MAN1A2: variants seen among roughly 807,000 people sequenced by gnomAD.
MAN1A2 encodes mannosidase alpha class 1A member 2.
MAN1A2 carries 26 observed loss-of-function variants against 75.7 expected under a neutral mutation model. The observed-to-expected ratio is 0.34, with a 90% CI of 0.25 to 0.48. The LOEUF is 0.48. Ranked by LOEUF, MAN1A2 falls within the 20% of genes least tolerant of loss-of-function variation. MAN1A2 has a pLI of 0.99. For synonymous variants in MAN1A2, 247 were observed against 264.6 expected, an observed-to-expected ratio of 0.93 and a Z score of 0.65; for missense variants, 562 against 775.5, an observed-to-expected ratio of 0.72 and a Z score of 3.27.
rs559082763 is a variant in MAN1A2 at position 117,403,571 on chromosome 1, G to A, written c.558+1130G>A. The stretch of plus-strand genomic sequence containing the variant: ...GATCCTCAGGTTCAGTGACTCACCA[G>A]AAGTACCCACGGAACTCAGCATATA... On this transcript the variant is annotated intron_variant, in intron 2 of 12. Coordinates refer to ENST00000356554, the MANE Select transcript of MAN1A2 (RefSeq NM_006699.5). 5.3e-5 allele frequency among the ~76,000 whole-genome samples: 8 copies of A among 152,274 alleles called. No homozygotes were observed. In the South Asian group the frequency reaches 1.7e-3, roughly 32 times the overall value.
At chr1:117,389,259 A>G (rs946029554) in intron 1 of MAN1A2, among the ~76,000 whole-genome samples, 4 of 152,164 alleles carry the variant, frequency 2.6e-5, no homozygotes, top group Non-Finnish European at 5.9e-5. Context: ...AGCAGTCCCC[A>G]ATCTTTTTGG....
At chr1:117,503,994 A>AT (rs1407288741) in intron 12 of MAN1A2, among the ~76,000 whole-genome samples, 3 of 151,088 alleles carry the variant, frequency 2.0e-5, no homozygotes, top group Non-Finnish European at 4.4e-5. Context: ...TTTCTGTTAC[A>AT]TTTTTTTATT....
chr1:117,452,031 G>A (rs1162090725), intron 6 of MAN1A2, among the ~76,000 whole-genome samples: 1 of 151,954 alleles, frequency 6.6e-6, no homozygotes, highest in Admixed American at 6.6e-5. Flanking sequence ...ACCCAGCCAG[G>A]CACAGTGGCT....
chr1:117,483,059 G>A (rs1650549874), intron 8 of MAN1A2, among the ~76,000 whole-genome samples: 1 of 152,038 alleles, frequency 6.6e-6, no homozygotes, highest in South Asian at 2.1e-4. Context: ...TAGATGTGTG[G>A]TGTTATTTCT....
chr1:117,442,712 T>C (rs1270489254), intron 6 of MAN1A2, among the ~76,000 whole-genome samples: 1 of 152,146 alleles, frequency 6.6e-6, no homozygotes, highest in Non-Finnish European at 1.5e-5. Flanking sequence ...CTCCTGATCT[T>C]CTAAGTGAAA....
At chr1:117,472,879 C>T (rs1183471511) in intron 8 of MAN1A2, among the ~76,000 whole-genome samples, 1 of 151,836 alleles carries the variant, frequency 6.6e-6, no homozygotes, top group African/African-American at 2.4e-5. Context: ...TTATGTGTGG[C>T]TCAAGACAGT....
chr1:117,442,315 A>C lies in MAN1A2; in HGVS notation c.940A>C (p.Asn314His). 1 of 1,606,138 alleles carries C rather than the reference A, an allele frequency of 6.2e-7. No individual in the cohort carries two copies. Among genetic ancestry groups the C allele is most frequent in the Non-Finnish European group, 8.5e-7 (1 of 1,172,922 alleles). Reference protein sequence around the residue: ...TPTGIPWAMVNLKSGVGRNWG... With the variant: ...TPTGIPWAMVHLKSGVGRNWG... ...TACTGGGATTCCTTGGGCAATGGTG[A>C]ATTTGAAAAGGTAACTCTATGTGGG... Residue 314 changes from asparagine (N) to histidine (H), a missense_variant, in exon 6 of 13, where the codon AAT becomes CAT. This residue lies in a region of MAN1A2 where 434 missense variants were observed against 645.7 expected (regional missense o/e 0.67). Coordinates refer to ENST00000356554, the MANE Select transcript of MAN1A2 (RefSeq NM_006699.5).
intron 12 of MAN1A2, among the ~76,000 whole-genome samples, chr1:117,507,472 A>G (rs1651408601): frequency 6.6e-6 from 1 of 151,692 alleles, no homozygotes; most frequent in African/African-American, 2.4e-5. Flanking sequence ...TGAAAACTGG[A>G]TATAAACCAA....
chr1:117,427,391 T>C (rs1205249529), intron 5 of MAN1A2, among the ~76,000 whole-genome samples: 2 of 152,172 alleles, frequency 1.3e-5, no homozygotes, highest in South Asian at 2.1e-4. Flanking sequence ...ACTGTTGTCA[T>C]TGGAAGGGTG....
chr1:117,424,288 A>C (rs1201075483), intron 5 of MAN1A2, among the ~76,000 whole-genome samples: 1 of 152,074 alleles, frequency 6.6e-6, no homozygotes, highest in East Asian at 1.9e-4. Flanking sequence ...ATCTACTACA[A>C]AGTTGAATAG....
intron 4 of MAN1A2, among the ~76,000 whole-genome samples, chr1:117,416,786 T>C (rs1298556219): frequency 6.6e-6 from 1 of 152,162 alleles, no homozygotes; most frequent in African/African-American, 2.4e-5. Flanking sequence ...AACTGGTACC[T>C]GTGCTGCCCA....
intron 8 of MAN1A2, among the ~76,000 whole-genome samples, chr1:117,488,405 A>G (rs1350623570): frequency 6.6e-6 from 1 of 152,036 alleles, no homozygotes. Context: ...CATGTTGGCC[A>G]GGCTGGTATG....
intron 1 of MAN1A2, among the ~76,000 whole-genome samples, chr1:117,381,412 A>G (rs1653329258): frequency 1.3e-5 from 2 of 151,940 alleles, no homozygotes; most frequent in African/African-American, 4.8e-5. Context: ...TTCAATTGCC[A>G]TCTATGAGTG....
intron 1 of MAN1A2, among the ~76,000 whole-genome samples, chr1:117,369,223 A>G (rs1311686670): frequency 1.3e-5 from 2 of 152,204 alleles, no homozygotes; most frequent in Non-Finnish European, 2.9e-5. Flanking sequence ...AATTTGGTTG[A>G]TTAAGGGGTT....
In MAN1A2 at chr1:117,460,528, C is replaced by CACT; in HGVS notation, c.991_992insCTA (p.Ser330_Ser331insThr). Reference sequence around the variant, plus strand: ...ACTGGGGCTGGGCATCTGCAGGTAGCAGCATTCTGGCTGAATTTGGTACAC... The same window carrying CACT: ...ACTGGGGCTGGGCATCTGCAGGTAGCACTAGCATTCTGGCTGAATTTGGTACAC... On this transcript the variant is annotated inframe_insertion, in exon 7 of 13. Transcript: ENST00000356554. 6.2e-7 allele frequency: 1 copy of CACT among 1,612,840 alleles called. No homozygotes were observed. The highest frequency in any genetic ancestry group is 8.5e-7 in the Non-Finnish European group (1 of 1,179,406).
At chr1:117,394,325 GC>G (rs1557932379) in intron 1 of MAN1A2, among the ~76,000 whole-genome samples, 1 of 151,950 alleles carries the variant, frequency 6.6e-6, no homozygotes, top group East Asian at 1.9e-4. Flanking sequence ...CTCGTGATCC[GC>G]CCGCCTCGGC....
intron 1 of MAN1A2, among the ~76,000 whole-genome samples, chr1:117,390,143 G>A (rs553497991): frequency 6.6e-6 from 1 of 152,152 alleles, no homozygotes; most frequent in Non-Finnish European, 1.5e-5. Flanking sequence ...TCAGAGTAAT[G>A]TTGGCCCCAT....
intron 8 of MAN1A2, among the ~76,000 whole-genome samples, chr1:117,472,094 C>T (rs1038053437): frequency 1.4e-4 from 21 of 151,782 alleles, no homozygotes; most frequent in African/African-American, 5.1e-4. Context: ...TTGTATCCTA[C>T]ATTCATTCTT....
intron 5 of MAN1A2, among the ~76,000 whole-genome samples, chr1:117,429,762 AC>A (rs1268505679): frequency 4.7e-5 from 3 of 64,416 alleles, no homozygotes; most frequent in Admixed American, 1.7e-4. Flanking sequence ...CGGGGGGCTG[AC>A]CCCCCCACCT....
Sources: gnomAD v4.1 joint callset for allele counts (sites outside exome capture counted in the v4.1 genomes callset) on GRCh38, gnomAD v4.1.1 for gene constraint, gnomAD v4.1.1 regional missense constraint, MANE v1.5 for transcripts, NCBI Gene and HGNC (gene_info 2026-07-23, HGNC 2026-07-21) for gene names.